The following MYO7B variants were observed in gnomAD, a reference collection of about 807,000 sequenced individuals.
MYO7B encodes unconventional myosin-VIIb.
In MYO7B, 212 loss-of-function variants were observed where a neutral mutation model predicts 259.7. That is an observed-to-expected ratio of 0.82 (90% CI 0.73 to 0.91). MYO7B has a LOEUF of 0.91. Ranked by LOEUF, MYO7B falls within the 40% of genes least tolerant of loss-of-function variation. The pLI is 0.00. For synonymous variants in MYO7B, 1,197 were observed against 1,166.4 expected (o/e 1.03, Z -0.54); for missense variants, 2,732 against 2,813.5 (o/e 0.97, Z 0.66).
At position 127,565,376 on chromosome 2, in the gene MYO7B, C is replaced by T. The variant is rs745952644; in HGVS notation, c.276C>T (p.His92=). 1.9e-6 allele frequency: 3 copies of T among 1,613,926 alleles called. No homozygotes were observed. Among genetic ancestry groups the T allele is most frequent in the Non-Finnish European group, 2.5e-6 (3 of 1,179,900 alleles). The part of the protein sequence containing the change: ...VHNLLIRYQQ[H]KIYTYTGSIL... ...ACCTCCTGATCCGCTACCAGCAGCA[C>T]AAGATCTATGTGAGTCTCCCCAGCC... The change falls in exon 4 of 48, where the codon CAC becomes CAT. Residue 92 remains histidine (H), a synonymous_variant. Coordinates refer to ENST00000409816, the MANE Select transcript of MYO7B (RefSeq NM_001393586.1).
In MYO7B at chr2:127,597,249, A is replaced by T. The variant is rs934807371; in HGVS notation, c.2339+693A>T. On this transcript the variant is annotated intron_variant, in intron 19 of 47. Coordinates refer to ENST00000409816, the MANE Select transcript of MYO7B (RefSeq NM_001393586.1). This position sits in a 1 kb window ranked among gnomAD's most constrained non-coding sequence, Gnocchi z 4.8. ...AAACAGGCCCACGTGGTCAGAGGCG[A>T]GGCAGGCTGGCCACCCTGACTCCCA... Among the ~76,000 whole-genome samples, 24 of 152,368 alleles carry T rather than the reference A, an allele frequency of 1.6e-4. No homozygotes were observed. The highest frequency in any genetic ancestry group is 3.3e-4 in the Admixed American group (5 of 15,306).
intron 26 of MYO7B, among the ~76,000 whole-genome samples, chr2:127,618,183 C>G (rs1680658740): frequency 6.6e-6 from 1 of 152,204 alleles, no homozygotes; most frequent in South Asian, 2.1e-4. Context: ...CAATTTGCCA[C>G]TGTTACTACT....
At chr2:127,540,703 G>A (rs901014136) in intron 1 of MYO7B, among the ~76,000 whole-genome samples, 2 of 152,182 alleles carry the variant, frequency 1.3e-5, no homozygotes, top group Non-Finnish European at 2.9e-5. Context: ...AATAAAGCAG[G>A]ATTTCTCAAG....
intron 26 of MYO7B, among the ~76,000 whole-genome samples, chr2:127,619,044 C>CGCTGGTTGGATTGTGGGG (rs1680705786): frequency 3.6e-5 from 1 of 27,702 alleles, no homozygotes; most frequent in Non-Finnish European, 7.1e-5. Context: ...GAATGGTGGG[C>CGCTGGTTGGATTGTGGGG]GCTGGTTGGA....
In MYO7B at chr2:127,588,604, G is replaced by A. The variant is rs746574819; in HGVS notation, c.1854+49G>A. ...GGTCTGTCACCCCTGATGGCTACAG[G>A]GCCAGACAGACATGTACAGGAAAGA... On this transcript the variant is annotated intron_variant, in intron 15 of 47. Coordinates refer to ENST00000409816, the MANE Select transcript of MYO7B (RefSeq NM_001393586.1). 14 of 1,606,332 alleles carry A rather than the reference G, an allele frequency of 8.7e-6. No individual in the cohort carries two copies. The African/African-American group carries it at 1.6e-4, about 18-fold the overall frequency.
chr2:127,556,122 T>G (rs939723819), intron 1 of MYO7B, among the ~76,000 whole-genome samples: 2 of 152,240 alleles, frequency 1.3e-5, no homozygotes, highest in African/African-American at 2.4e-5. Flanking sequence ...ATTTTCCTGT[T>G]GGACAAGGCC....
At position 127,576,493 on chromosome 2, in the gene MYO7B, G is replaced by A. The variant is rs1678869545; in HGVS notation, c.736-102G>A. The stretch of plus-strand genomic sequence containing the variant: ...AGAGCTGCTCCTGGCTGAGAGATGT[G>A]GAGCGGAGGCCAGGGCTGGGCTGGG... On this transcript the variant is annotated intron_variant, in intron 7 of 47. Transcript: ENST00000409816. This position sits in a 1 kb window ranked among gnomAD's most constrained non-coding sequence, Gnocchi z 4.9. The A allele has an allele frequency of 3.1e-6, 2 of 652,462 alleles. No individual in the cohort carries two copies. The highest frequency in any genetic ancestry group is 6.3e-5 in the East Asian group (2 of 31,872). The allele number at this position is 652,462 out of a possible 1,614,324, so 40.4% of individuals were successfully genotyped here.
chr2:127,621,253 A>ATTTT (rs11291906), intron 27 of MYO7B, among the ~76,000 whole-genome samples: 1 of 136,596 alleles, frequency 7.3e-6, no homozygotes. Flanking sequence ...CTCTTCTGCA[A>ATTTT]TTTTTTTTTT....
At position 127,612,384 on chromosome 2, in the gene MYO7B, C is replaced by T. The variant is rs956346229; in HGVS notation, c.3270+57C>T. 2.6e-6 allele frequency: 4 copies of T among 1,520,142 alleles called. No homozygotes were observed. The African/African-American group carries it at 5.5e-5, about 21-fold the overall frequency. The allele number at this position is 1,520,142 out of a possible 1,614,324, so 94.2% of individuals were successfully genotyped here. On this transcript the variant is annotated intron_variant, in intron 25 of 47. Coordinates refer to ENST00000409816, the MANE Select transcript of MYO7B (RefSeq NM_001393586.1). ...GCTGCTGCTGGCCTGCTACAGGGTTCCAGTCTATTGCTTCCCTCCCTGTGC... is the reference window on the plus strand; with the variant it reads ...GCTGCTGCTGGCCTGCTACAGGGTTTCAGTCTATTGCTTCCCTCCCTGTGC...
Position 127,593,070 on chromosome 2 carries a change from G to A in MYO7B, c.2145+124G>A, listed in dbSNP as rs533742785. On this transcript the variant is annotated intron_variant, in intron 17 of 47. Transcript: ENST00000409816. The stretch of plus-strand genomic sequence containing the variant: ...CTCCCCGGCCCCAGCCTTGCGATGA[G>A]CCCTGTCCTTCCTCCCTCTCTCCTC... The A allele has an allele frequency of 1.8e-5, 23 of 1,263,614 alleles. No individual in the cohort carries two copies. The Admixed American group carries it at 3.3e-4, about 18-fold the overall frequency. The allele number at this position is 1,263,614 out of a possible 1,614,324, so 78.3% of individuals were successfully genotyped here.
chr2:127,605,489 A>G (rs1558829929), intron 19 of MYO7B, among the ~76,000 whole-genome samples: 1 of 152,180 alleles, frequency 6.6e-6, no homozygotes, highest in Non-Finnish European at 1.5e-5. Context: ...CCAGTTACTC[A>G]GGAGGTTGAA....
At position 127,615,989 on chromosome 2, in the gene MYO7B, A is replaced by T. The variant is rs564859935; in HGVS notation, c.3398+3386A>T. Among the ~76,000 whole-genome samples the T allele has an allele frequency of 2.0e-5, 3 of 152,318 alleles. No homozygotes were observed. The South Asian group carries it at 6.2e-4, about 32-fold the overall frequency. ...GTTCATTTCCTGTGAAAACACAAGC[A>T]TACCCTCGTTCCCACAATAGTAAAT... On this transcript the variant is annotated intron_variant, in intron 26 of 47. Coordinates refer to ENST00000409816, the MANE Select transcript of MYO7B (RefSeq NM_001393586.1). This position sits in a 1 kb window ranked among gnomAD's most constrained non-coding sequence, Gnocchi z 4.4.
At position 127,564,195 on chromosome 2, in the gene MYO7B, G is replaced by T; in HGVS notation, c.61G>T (p.Gly21Cys). 1 of 1,575,224 alleles carries T rather than the reference G, an allele frequency of 6.3e-7. No homozygotes were observed. Among genetic ancestry groups the T allele is most frequent in the Non-Finnish European group, 8.6e-7 (1 of 1,160,910 alleles). The change falls in exon 3 of 48, where the codon GGC becomes TGC. Residue 21 changes from glycine to cysteine, a missense_variant. Physicochemically the swap from Gly to Cys is radical, Grantham distance 159. Coordinates refer to ENST00000409816, the MANE Select transcript of MYO7B (RefSeq NM_001393586.1). ...WLEPPSTHKT[G>C]VAIGGIIKEA... ...GGAGCCTCCCTCCACCCACAAGACC[G>T]GCGTGGCCATCGGGGGCATCATCAA...
rs1205674654 is a variant in MYO7B at position 127,577,792 on chromosome 2, C to T, written c.850-341C>T. 1.3e-5 allele frequency among the ~76,000 whole-genome samples: 2 copies of T among 152,246 alleles called. No individual in the cohort carries two copies. Among genetic ancestry groups the T allele is most frequent in the Non-Finnish European group, 2.9e-5 (2 of 68,042 alleles). ...CCTGGATGCGCAGCACAGGGCCTGGCCCATGGCGAGCCATGGAAAGTGTTT... is the reference window on the plus strand; with the variant it reads ...CCTGGATGCGCAGCACAGGGCCTGGTCCATGGCGAGCCATGGAAAGTGTTT... On this transcript the variant is annotated intron_variant, in intron 8 of 47. Coordinates refer to ENST00000409816, the MANE Select transcript of MYO7B (RefSeq NM_001393586.1). The surrounding 1 kb of genome is among the most constrained non-coding windows in gnomAD (Gnocchi z 5.2).
intron 40 of MYO7B, among the ~76,000 whole-genome samples, chr2:127,633,974 G>A (rs899580276): frequency 6.6e-6 from 1 of 152,252 alleles, no homozygotes; most frequent in African/African-American, 2.4e-5. Context: ...CAGGCCTGCA[G>A]GGCCCCAGGA....
chr2:127,626,946 C>A, intron 31 of MYO7B, 29 bp from the exon 32 acceptor site: 2 of 1,576,984 alleles, frequency 1.3e-6, no homozygotes, highest in Non-Finnish European at 1.7e-6. Flanking sequence ...AGGCAGGTGA[C>A]GGAGGTGACA....
chr2:127,615,273 G>C lies in MYO7B; in HGVS notation c.3398+2670G>C, dbSNP rs368358624. Among the ~76,000 whole-genome samples, 26 of 152,344 alleles carry C rather than the reference G, an allele frequency of 1.7e-4. No homozygotes were observed. The South Asian group carries it at 5.4e-3, about 32-fold the overall frequency. ...AAGGGTAGACGGGTCACCCGTGACAGACTGCCATGGTTACTACTTGAGACC... is the reference window on the plus strand; with the variant it reads ...AAGGGTAGACGGGTCACCCGTGACACACTGCCATGGTTACTACTTGAGACC... On this transcript the variant is annotated intron_variant, in intron 26 of 47. Transcript: ENST00000409816. The surrounding 1 kb of genome is among the most constrained non-coding windows in gnomAD (Gnocchi z 4.4).
In MYO7B at chr2:127,611,419, G is replaced by A. The variant is rs530118095; in HGVS notation, c.3193-831G>A. Among the ~76,000 whole-genome samples, 1 of 152,168 alleles carries A rather than the reference G, an allele frequency of 6.6e-6. No homozygotes were observed. The highest frequency in any genetic ancestry group is 2.1e-4 in the South Asian group (1 of 4,830). Reference sequence around the variant, plus strand: ...CAGCACCTCTGAAGGGTGGACATGGGGGGAAGCAGGACTGGCTTCCCAGAG... The same window carrying A: ...CAGCACCTCTGAAGGGTGGACATGGAGGGAAGCAGGACTGGCTTCCCAGAG... On this transcript the variant is annotated intron_variant, in intron 24 of 47. Coordinates refer to ENST00000409816, the MANE Select transcript of MYO7B (RefSeq NM_001393586.1). The surrounding 1 kb of genome is among the most constrained non-coding windows in gnomAD (Gnocchi z 5.4).
intron 1 of MYO7B, among the ~76,000 whole-genome samples, chr2:127,540,715 A>G (rs1199077771): frequency 3.9e-5 from 6 of 152,118 alleles, no homozygotes; most frequent in Non-Finnish European, 7.4e-5. Context: ...TTTCTCAAGG[A>G]CCATCCCACA....
Sources: allele counts gnomAD v4.1 joint callset (sites outside exome capture counted in the v4.1 genomes callset), GRCh38; gene constraint gnomAD v4.1.1; non-coding constraint Gnocchi (gnomAD v3.1); transcripts MANE v1.5; gene names NCBI Gene and HGNC (gene_info 2026-07-23, HGNC 2026-07-21).